WDHD1: variants seen among roughly 807,000 people sequenced by gnomAD.
The protein encoded by WDHD1 is WD repeat and HMG-box DNA binding protein 1.
In WDHD1, 111 loss-of-function variants were observed where a neutral mutation model predicts 135.4. That is an observed-to-expected ratio of 0.82 (90% CI 0.70 to 0.96). WDHD1 has a LOEUF of 0.96. Among genes scored for constraint, WDHD1 ranks in the 40% least tolerant of loss-of-function variants. WDHD1 has a pLI of 0.00. For synonymous variants in WDHD1, 434 were observed against 439.0 expected (o/e 0.99, Z 0.14); for missense variants, 1,351 against 1,336.3 (o/e 1.01, Z -0.17).
chr14:54,995,476 C>G, intron 11 of WDHD1, 127 bp downstream of exon 11: 1 of 637,386 alleles, frequency 1.6e-6, no homozygotes, highest in Non-Finnish European at 2.4e-6. Flanking sequence ...TCATTTAATG[C>G]TATAAAATTT....
At chr14:54,950,930 A>G (rs1278912076) in intron 24 of WDHD1, among the ~76,000 whole-genome samples, 2 of 152,212 alleles carry the variant, frequency 1.3e-5, no homozygotes, top group African/African-American at 4.8e-5. Context: ...GCAGAAATAA[A>G]GATGTTCTTT....
At chr14:54,981,047 C>T (rs1472069847) in intron 16 of WDHD1, among the ~76,000 whole-genome samples, 1 of 151,372 alleles carries the variant, frequency 6.6e-6, no homozygotes, top group Non-Finnish European at 1.5e-5. Context: ...TGAGGCGGAG[C>T]TTGCAGTGAG....
chr14:54,986,752 G>A (rs761607935), intron 14 of WDHD1, among the ~76,000 whole-genome samples: 2 of 152,110 alleles, frequency 1.3e-5, no homozygotes, highest in Admixed American at 6.5e-5. Flanking sequence ...GCATAGTGAC[G>A]GGGACTGAAG....
chr14:54,987,615 T>C (rs1158696045), intron 13 of WDHD1, among the ~76,000 whole-genome samples: 2 of 152,306 alleles, frequency 1.3e-5, no homozygotes, highest in East Asian at 3.9e-4. Flanking sequence ...TAAGTTATTA[T>C]TAAATACAAA....
intron 23 of WDHD1, 99 bp downstream of exon 23, chr14:54,956,935 C>A (rs1257387263): frequency 7.0e-7 from 1 of 1,422,836 alleles, no homozygotes; most frequent in Non-Finnish European, 9.4e-7. Context: ...CAATTGTAAA[C>A]AATCAGAACC....
intron 2 of WDHD1, among the ~76,000 whole-genome samples, chr14:55,026,341 G>C (rs8017273): frequency 6.6e-6 from 1 of 152,036 alleles, no homozygotes; most frequent in Admixed American, 6.5e-5. Flanking sequence ...TAAGCAAAAA[G>C]GGAAATAGCA....
At chr14:54,990,333 C>A (rs1450655055) in intron 12 of WDHD1, among the ~76,000 whole-genome samples, 1 of 152,214 alleles carries the variant, frequency 6.6e-6, no homozygotes, top group Non-Finnish European at 1.5e-5. Context: ...CGCGGTGGCT[C>A]ACGCCTGTAA....
intron 15 of WDHD1, 135 bp from the exon 16 acceptor site, chr14:54,981,831 A>G: frequency 2.0e-6 from 1 of 501,502 alleles, no homozygotes; most frequent in East Asian, 3.2e-5. Context: ...CAAATAATCT[A>G]AGATTATTAC....
intron 2 of WDHD1, among the ~76,000 whole-genome samples, chr14:55,022,282 C>A (rs1233698746): frequency 1.3e-5 from 2 of 152,124 alleles, no homozygotes; most frequent in Non-Finnish European, 2.9e-5. Context: ...TTTATCTTTT[C>A]CCTTCAAGGC....
chr14:54,995,555 A>G, intron 11 of WDHD1, 48 bp downstream of exon 11: 1 of 1,420,828 alleles, frequency 7.0e-7, no homozygotes, highest in Non-Finnish European at 9.5e-7. Flanking sequence ...TAAAAAATCT[A>G]AAATATTAAT....
intron 24 of WDHD1, among the ~76,000 whole-genome samples, chr14:54,946,331 A>C (rs1326635620): frequency 6.6e-6 from 1 of 152,232 alleles, no homozygotes; most frequent in African/African-American, 2.4e-5. Flanking sequence ...GGACTACAAG[A>C]GTGCACAGCC....
intron 16 of WDHD1, among the ~76,000 whole-genome samples, chr14:54,975,371 A>G (rs2041508661): frequency 1.3e-5 from 2 of 151,958 alleles, no homozygotes; most frequent in Non-Finnish European, 1.5e-5. Flanking sequence ...TTTTTGAGAC[A>G]GAGTTTCCCT....
At chr14:54,947,064 G>C (rs1017036138) in intron 24 of WDHD1, among the ~76,000 whole-genome samples, 1 of 152,054 alleles carries the variant, frequency 6.6e-6, no homozygotes, top group East Asian at 1.9e-4. Context: ...GGCGGGCCAG[G>C]CATGGTGGCT....
intron 2 of WDHD1, among the ~76,000 whole-genome samples, chr14:55,021,221 T>C (rs937486434): frequency 3.3e-5 from 5 of 152,252 alleles, no homozygotes; most frequent in African/African-American, 7.2e-5. Context: ...AGGGTCTATG[T>C]TGTAAAATAA....
In WDHD1 at chr14:54,963,173, C is replaced by G; in HGVS notation, c.2311-1G>C. On this transcript the variant is annotated splice_acceptor_variant, in intron 18 of 25. Coordinates refer to ENST00000360586, the MANE Select transcript of WDHD1 (RefSeq NM_007086.4). LOFTEE classifies it high-confidence loss of function. The stretch of plus-strand genomic sequence containing the variant: ...ATTCTCGCTCCAGTTTACAAGAAAG[C>G]TAATCCAAAAAGGGGGGGGGGGGGG... The G allele has an allele frequency of 2.4e-6, 2 of 831,984 alleles. No homozygotes were observed. The highest frequency in any genetic ancestry group is 3.2e-6 in the Non-Finnish European group (2 of 621,704). The allele number at this position is 831,984 out of a possible 1,614,324, so 51.5% of individuals were successfully genotyped here.
intron 11 of WDHD1, among the ~76,000 whole-genome samples, chr14:54,993,650 A>G (rs924227186): frequency 2.0e-5 from 3 of 152,192 alleles, no homozygotes; most frequent in Non-Finnish European, 2.9e-5. Context: ...AACAAAAACA[A>G]TGTATAGCAA....
Position 55,012,527 on chromosome 14 carries a change from T to G in WDHD1, c.189+958A>C, listed in dbSNP as rs528853867. Among the ~76,000 whole-genome samples, 12 of 152,338 alleles carry G rather than the reference T, an allele frequency of 7.9e-5. No homozygotes were observed. In the South Asian group the frequency reaches 2.3e-3, roughly 29 times the overall value. ...GGAAAGTTAATGAAACATTCCCGTTTTCTAGAACAATTCCTTAAGTTATCT... is the reference window on the plus strand; with the variant it reads ...GGAAAGTTAATGAAACATTCCCGTTGTCTAGAACAATTCCTTAAGTTATCT... On this transcript the variant is annotated intron_variant, in intron 3 of 25. Coordinates refer to ENST00000360586, the MANE Select transcript of WDHD1 (RefSeq NM_007086.4).
chr14:54,974,067 C>T (rs572211862), intron 16 of WDHD1, among the ~76,000 whole-genome samples: 1 of 150,908 alleles, frequency 6.6e-6, no homozygotes, highest in South Asian at 2.1e-4. Flanking sequence ...AAACTATGTG[C>T]ATAAACCACC....
chr14:54,979,157 C>T (rs2041576956), intron 16 of WDHD1, among the ~76,000 whole-genome samples: 1 of 151,906 alleles, frequency 6.6e-6, no homozygotes, highest in African/African-American at 2.4e-5. Flanking sequence ...CTCTTCACAC[C>T]AAAGTTCTTT....
Sources: allele counts gnomAD v4.1 joint callset (sites outside exome capture counted in the v4.1 genomes callset), GRCh38; gene constraint gnomAD v4.1.1; transcripts MANE v1.5; gene names NCBI Gene and HGNC (gene_info 2026-07-23, HGNC 2026-07-21).